NFKB1: variants seen among roughly 807,000 people sequenced by gnomAD.
NFKB1 encodes nuclear factor NF-kappa-B p105 subunit.
Under a neutral mutation model 105.1 loss-of-function variants are expected in NFKB1, and 9 were observed. The observed-to-expected ratio is 0.09, with a 90% confidence interval of 0.05 to 0.15. The LOEUF (loss-of-function observed/expected upper bound fraction) is 0.15. Ranked by LOEUF, NFKB1 falls within the 10% of genes least tolerant of loss-of-function variation. NFKB1 has a pLI of 1.00. For synonymous variants in NFKB1, 440 were observed against 442.2 expected (o/e 1.00, Z 0.06); for missense variants, 830 against 1,203.7 (o/e 0.69, Z 4.59).
chr4:102,571,189 A>T (rs1294543043), intron 6 of NFKB1, among the ~76,000 whole-genome samples: 23 of 152,234 alleles, frequency 1.5e-4, no homozygotes, highest in Non-Finnish European at 3.1e-4. Context: ...GTACATCTAC[A>T]ACTATCTGAT....
chr4:102,575,842 T>C (rs1376208332), intron 6 of NFKB1, among the ~76,000 whole-genome samples: 2 of 152,228 alleles, frequency 1.3e-5, no homozygotes, highest in Non-Finnish European at 2.9e-5. Flanking sequence ...TACTTCTTTG[T>C]TTCTTCTCCG....
chr4:102,506,858 A>C (rs1739446767), intron 1 of NFKB1, among the ~76,000 whole-genome samples: 1 of 151,834 alleles, frequency 6.6e-6, no homozygotes, highest in African/African-American at 2.4e-5. Context: ...TTAAAAATTA[A>C]GTTAAAAGTT....
At chr4:102,508,780 A>G (rs1739592778) in intron 1 of NFKB1, among the ~76,000 whole-genome samples, 1 of 152,220 alleles carries the variant, frequency 6.6e-6, no homozygotes, top group South Asian at 2.1e-4. Context: ...GAAAGCATAA[A>G]GATTTAGGGG....
At chr4:102,502,339 C>CA (rs1346755233) in intron 1 of NFKB1, among the ~76,000 whole-genome samples, 5 of 151,130 alleles carry the variant, frequency 3.3e-5, no homozygotes, top group African/African-American at 1.2e-4. Flanking sequence ...CTGGCTCGCT[C>CA]TCTGTCTCTC....
intron 20 of NFKB1, 43 bp from the exon 21 acceptor site, chr4:102,612,001 C>T: frequency 6.6e-7 from 1 of 1,515,552 alleles, no homozygotes; most frequent in Middle Eastern, 1.7e-4. Context: ...CCCTAGTGGT[C>T]CCTTCGATGT....
intron 2 of NFKB1, among the ~76,000 whole-genome samples, chr4:102,526,041 C>T (rs780461249): frequency 2.0e-5 from 3 of 152,132 alleles, no homozygotes; most frequent in East Asian, 1.9e-4. Context: ...TTGTCACGTG[C>T]GCTTCTTCCC....
intron 20 of NFKB1, among the ~76,000 whole-genome samples, chr4:102,611,353 G>GCAGAGACTC (rs201449712): frequency 0.99 from 150,625 of 152,198 alleles, 74,537 homozygotes; most frequent in East Asian, 1. Flanking sequence ...ACTGACGTTA[G>GCAGAGACTC]CATGGTTCTC....
chr4:102,514,162 G>A (rs896685218), intron 1 of NFKB1, among the ~76,000 whole-genome samples: 4 of 151,032 alleles, frequency 2.6e-5, no homozygotes, highest in African/African-American at 7.3e-5. Flanking sequence ...GTGACAGAGC[G>A]AGACTCCATC....
chr4:102,501,836 C>G (rs1284889051), intron 1 of NFKB1, 48 bp downstream of exon 1: 1 of 152,578 alleles, frequency 6.6e-6, no homozygotes, highest in Non-Finnish European at 1.5e-5. Flanking sequence ...ACGCGTGGCC[C>G]AAGTCCTGCC....
chr4:102,598,426 CT>C (rs1339053281), intron 15 of NFKB1, among the ~76,000 whole-genome samples: 1 of 152,154 alleles, frequency 6.6e-6, no homozygotes, highest in African/African-American at 2.4e-5. Flanking sequence ...TAGAGAAATC[CT>C]TTTCTGTGGA....
intron 1 of NFKB1, among the ~76,000 whole-genome samples, chr4:102,520,169 GCAAA>G (rs769334715): frequency 3.3e-5 from 5 of 152,270 alleles, no homozygotes; most frequent in Non-Finnish European, 7.4e-5. Flanking sequence ...GGGGCAAAAT[GCAAA>G]CAGTTTATCT....
At chr4:102,529,658 A>G (rs1215311015) in intron 2 of NFKB1, among the ~76,000 whole-genome samples, 178 bp from the exon 3 acceptor site, 1 of 152,220 alleles carries the variant, frequency 6.6e-6, no homozygotes, top group Non-Finnish European at 1.5e-5. Flanking sequence ...TTTTGTACAC[A>G]TGAGAACTAC....
At chr4:102,551,808 T>C (rs1722638861) in intron 5 of NFKB1, among the ~76,000 whole-genome samples, 1 of 152,198 alleles carries the variant, frequency 6.6e-6, no homozygotes, top group East Asian at 1.9e-4. Flanking sequence ...CATGAAGTGA[T>C]AGACAACAAA....
chr4:102,567,252 CA>C, intron 6 of NFKB1, 117 bp downstream of exon 6: 4 of 1,065,746 alleles, frequency 3.8e-6, no homozygotes, highest in Non-Finnish European at 5.4e-6. Flanking sequence ...CAGATGACCT[CA>C]AAAAACTGTG....
At chr4:102,513,004 GA>G (rs2149099804) in intron 1 of NFKB1, among the ~76,000 whole-genome samples, 1 of 152,292 alleles carries the variant, frequency 6.6e-6, no homozygotes, top group African/African-American at 2.4e-5. Flanking sequence ...CATAATGCAT[GA>G]GGTCTACTTC....
chr4:102,537,623 G>T, intron 4 of NFKB1: 1 of 372,304 alleles, frequency 2.7e-6, no homozygotes, highest in Non-Finnish European at 5.0e-6. Context: ...GGTTCCATGG[G>T]CTTAGGTACC....
intron 1 of NFKB1, among the ~76,000 whole-genome samples, chr4:102,515,826 A>G (rs957972600): frequency 1.3e-5 from 2 of 152,166 alleles, no homozygotes; most frequent in Non-Finnish European, 2.9e-5. Context: ...GCTTACTCAC[A>G]TATTTATCAT....
intron 5 of NFKB1, among the ~76,000 whole-genome samples, chr4:102,547,741 A>G (rs1344010166): frequency 6.6e-6 from 1 of 152,150 alleles, no homozygotes; most frequent in Non-Finnish European, 1.5e-5. Context: ...GGAGCTACAC[A>G]AAACCTTCAC....
At chr4:102,599,825 A>C (rs1165790766) in intron 15 of NFKB1, among the ~76,000 whole-genome samples, 1 of 152,238 alleles carries the variant, frequency 6.6e-6, no homozygotes, top group Non-Finnish European at 1.5e-5. Context: ...TAGTCTGGTA[A>C]ATCAAAGCTC....
Sources: gnomAD v4.1 joint callset for allele counts (sites outside exome capture counted in the v4.1 genomes callset) on GRCh38, gnomAD v4.1.1 for gene constraint, MANE v1.5 for transcripts, NCBI Gene and HGNC (gene_info 2026-07-23, HGNC 2026-07-21) for gene names.